TLR6: variants seen among roughly 807,000 people sequenced by gnomAD.
The protein encoded by TLR6 is toll like receptor 6.
A neutral mutation model predicts 16.1 loss-of-function variants in TLR6; 9 were observed. That is an observed-to-expected ratio of 0.56 (90% CI 0.34 to 0.98). The LOEUF is 0.98. Ranked by LOEUF, TLR6 falls within the 50% of genes least tolerant of loss-of-function variation. TLR6 has a pLI of 0.02. For synonymous variants in TLR6, 340 were observed against 338.6 expected, an observed-to-expected ratio of 1.00 and a Z score of -0.04; for missense variants, 786 against 921.0, an observed-to-expected ratio of 0.85 and a Z score of 1.90.
intron 1 of TLR6, among the ~76,000 whole-genome samples, chr4:38,849,462 A>C (rs1271720561): frequency 6.6e-6 from 1 of 152,234 alleles, no homozygotes; most frequent in Non-Finnish European, 1.5e-5. Context: ...TAAATGCTCC[A>C]ATTAAAAGAC....
intron 1 of TLR6, among the ~76,000 whole-genome samples, chr4:38,856,504 G>A (rs1198091668): frequency 6.6e-6 from 1 of 152,196 alleles, no homozygotes; most frequent in Admixed American, 6.5e-5. Flanking sequence ...AATAACATTA[G>A]TTTTGTTCCT....
chr4:38,852,253 G>A (rs971192414), intron 1 of TLR6, among the ~76,000 whole-genome samples: 3 of 152,172 alleles, frequency 2.0e-5, no homozygotes, highest in Non-Finnish European at 4.4e-5. Flanking sequence ...AGACTTAAAT[G>A]TTAGACTTAA....
chr4:38,834,531 A>G (rs1553857385), intron 1 of TLR6, among the ~76,000 whole-genome samples: 1 of 152,188 alleles, frequency 6.6e-6, no homozygotes, highest in Non-Finnish European at 1.5e-5. Context: ...ACATCCAGAT[A>G]CAAGAAGCTT....
At chr4:38,828,532 G>C (rs370744250) in exon 2 of TLR6, 1 of 1,613,944 alleles carries the variant, frequency 6.2e-7, no homozygotes, top group Non-Finnish European at 8.5e-7. Context: ...GAAAAACTTG[G>C]TTCGTGATAT....
intron 1 of TLR6, among the ~76,000 whole-genome samples, chr4:38,848,405 C>T (rs191232671): frequency 8.5e-5 from 13 of 152,370 alleles, no homozygotes; most frequent in Admixed American, 5.9e-4. Flanking sequence ...CGCAGCTCCT[C>T]GCCAGCAACG....
intron 1 of TLR6, among the ~76,000 whole-genome samples, chr4:38,832,970 C>A (rs1251390938): frequency 2.6e-5 from 4 of 152,198 alleles, no homozygotes; most frequent in African/African-American, 7.2e-5. Flanking sequence ...GGCCTGAGGA[C>A]AGGTCCACCA....
chr4:38,851,907 A>G (rs2109470771), intron 1 of TLR6, among the ~76,000 whole-genome samples: 1 of 152,354 alleles, frequency 6.6e-6, no homozygotes, highest in Non-Finnish European at 1.5e-5. Flanking sequence ...GTCAAAAAAG[A>G]GCCCATATTG....
intron 1 of TLR6, among the ~76,000 whole-genome samples, chr4:38,849,363 G>A (rs1346153574): frequency 6.6e-6 from 1 of 152,172 alleles, no homozygotes; most frequent in Non-Finnish European, 1.5e-5. Context: ...GGAAGAAACT[G>A]CATCAACTAA....
At chr4:38,841,421 T>C (rs1712255151) in intron 1 of TLR6, among the ~76,000 whole-genome samples, 1 of 152,104 alleles carries the variant, frequency 6.6e-6, no homozygotes, top group Admixed American at 6.6e-5. Context: ...TGAAACCCTG[T>C]CTCTACAAAA....
rs117194006 is a variant in TLR6, at chr4:38,854,744, T to C, written c.-65+2017A>G. 2.8e-3 allele frequency among the ~76,000 whole-genome samples: 420 copies of C among 152,138 alleles called. 7 individuals are homozygous for C. The East Asian group carries it at 0.05, about 18-fold the overall frequency. Reference sequence around the variant, plus strand: ...CACTACAAGGAATTTTCTAAAGAAATAGTCAAAAATAACACACAGAAGATA... The same window carrying C: ...CACTACAAGGAATTTTCTAAAGAAACAGTCAAAAATAACACACAGAAGATA... On this transcript the variant is annotated intron_variant, in intron 1 of 1. Transcript: ENST00000436693.
intron 1 of TLR6, among the ~76,000 whole-genome samples, chr4:38,831,483 A>G (rs1711579232): frequency 6.6e-6 from 1 of 152,214 alleles, no homozygotes; most frequent in African/African-American, 2.4e-5. Flanking sequence ...CATCAAAAAC[A>G]TAATCCAAGA....
upstream of TLR6, among the ~76,000 whole-genome samples, chr4:38,859,412 A>C (rs1713146283): frequency 6.6e-6 from 1 of 152,198 alleles, no homozygotes; most frequent in African/African-American, 2.4e-5. Flanking sequence ...TAAGCCACAC[A>C]GTCTGTGGTG....
chr4:38,829,080 CATTGAATGAGAGATCTAAA>C lies in TLR6; in HGVS notation c.375_393del (p.His125GlnfsTer18). Reference sequence around the variant, plus strand: ...TTACAGATGGGCAGGGCCTTGAAATCATTGAATGAGAGATCTAAATGCCTGAAACTCACAATAGGATGGC... The same window carrying C: ...TTACAGATGGGCAGGGCCTTGAAATCTGCCTGAAACTCACAATAGGATGGC... On this transcript the variant is annotated frameshift_variant, in exon 2 of 2. Transcript: ENST00000436693. LOFTEE classifies it low-confidence loss of function (END_TRUNC). 1 of 1,614,156 alleles carries C rather than the reference CATTGAATGAGAGATCTAAA, an allele frequency of 6.2e-7. No individual in the cohort carries two copies. The highest frequency in any genetic ancestry group is 8.5e-7 in the Non-Finnish European group (1 of 1,180,026).
At chr4:38,829,334 G>A (rs202060470) in exon 2 of TLR6, 91 of 1,613,934 alleles carry the variant, frequency 5.6e-5, no homozygotes, top group Non-Finnish European at 6.6e-5. Flanking sequence ...TAGGTCTTTT[G>A]GAACATGAAT....
chr4:38,860,057 A>G (rs769645243), upstream of TLR6, among the ~76,000 whole-genome samples: 1 of 152,064 alleles, frequency 6.6e-6, no homozygotes, highest in Non-Finnish European at 1.5e-5. Flanking sequence ...TTGTTAAAAA[A>G]TGTTGTCTTT....
chr4:38,834,640 G>A (rs765469264), intron 1 of TLR6, among the ~76,000 whole-genome samples: 12 of 152,046 alleles, frequency 7.9e-5, no homozygotes, highest in Non-Finnish European at 1.3e-4. Flanking sequence ...CCTAAAAACA[G>A]CAAGAAATAA....
intron 1 of TLR6, among the ~76,000 whole-genome samples, chr4:38,844,722 T>C (rs1712442438): frequency 6.6e-6 from 1 of 152,218 alleles, no homozygotes; most frequent in East Asian, 1.9e-4. Context: ...AAAGTCATAT[T>C]TCTGACTATA....
chr4:38,828,752 A>C (rs373122065), exon 2 of TLR6: 7 of 1,613,650 alleles, frequency 4.3e-6, no homozygotes, highest in Non-Finnish European at 5.9e-6. Flanking sequence ...TTCTGATAAA[A>C]ATTTAATGAA....
chr4:38,838,927 G>GGGAA (rs1274254263), intron 1 of TLR6, among the ~76,000 whole-genome samples: 5 of 123,250 alleles, frequency 4.1e-5, no homozygotes, highest in Middle Eastern at 3.9e-3. Context: ...GAGGGAGGGA[G>GGGAA]GGAAGGAAGG....
Sources: gnomAD v4.1 joint callset for allele counts (sites outside exome capture counted in the v4.1 genomes callset) on GRCh38, gnomAD v4.1.1 for gene constraint, MANE v1.5 for transcripts, NCBI Gene and HGNC (gene_info 2026-07-23, HGNC 2026-07-21) for gene names.